The following PIK3CA variants were observed in gnomAD, a reference collection of about 807,000 sequenced individuals.
PIK3CA encodes phosphatidylinositol 4,5-bisphosphate 3-kinase catalytic subunit alpha isoform.
In PIK3CA, 27 loss-of-function variants were observed where a neutral mutation model predicts 138.2. That is an observed-to-expected ratio of 0.20 (90% CI 0.14 to 0.27). The LOEUF (loss-of-function observed/expected upper bound fraction) is 0.27, where lower values mean the gene tolerates loss of function less well. Ranked by LOEUF, PIK3CA falls within the 10% of genes least tolerant of loss-of-function variation. PIK3CA has a pLI of 1.00. For missense variants in PIK3CA, 544 were observed against 1,277.4 expected, an observed-to-expected ratio of 0.43 and a Z score of 8.75; for synonymous variants, 358 against 413.2, an observed-to-expected ratio of 0.87 and a Z score of 1.62.
In PIK3CA at chr3:179,219,316, A is replaced by G. The variant is rs201025829; in HGVS notation, c.1746+39A>G. The stretch of plus-strand genomic sequence containing the variant: ...TGAGATTACTAGATAACTGTTGTAC[A>G]AATTGGTATGTCACTTAAATTGTTT... On this transcript the variant is annotated intron_variant, in intron 11 of 20. Transcript: ENST00000263967. This position sits in a 1 kb window ranked among gnomAD's most constrained non-coding sequence, Gnocchi z 4.2. 1.7e-6 allele frequency: 2 copies of G among 1,171,816 alleles called. No individual in the cohort carries two copies. The highest frequency in any genetic ancestry group is 2.5e-5 in the South Asian group (2 of 80,292). The allele number at this position is 1,171,816 out of a possible 1,614,324, so 72.6% of individuals were successfully genotyped here. A position where few individuals can be genotyped will look rare whatever the true frequency, so the allele number is the denominator to read the frequency against.
At chr3:179,229,488 T>C in intron 18 of PIK3CA, 46 bp downstream of exon 18, 1 of 1,458,974 alleles carries the variant, frequency 6.9e-7, no homozygotes, top group Non-Finnish European at 9.4e-7. Context: ...AAGTTTTTGT[T>C]AGATGAGTCT....
At chr3:179,149,277 G>A (rs1034675336) in intron 1 of PIK3CA, among the ~76,000 whole-genome samples, 6 of 152,092 alleles carry the variant, frequency 3.9e-5, no homozygotes, top group African/African-American at 1.4e-4. Flanking sequence ...TCTTTACTAA[G>A]TGTATTATGT....
At chr3:179,149,427 G>T (rs1488884693) in intron 1 of PIK3CA, 1 of 152,130 alleles carries the variant, frequency 6.6e-6, no homozygotes, top group Admixed American at 6.5e-5. Context: ...AAGGAATAGT[G>T]ATGGTGGCCA....
intron 1 of PIK3CA, among the ~76,000 whole-genome samples, chr3:179,193,995 A>G (rs186998615): frequency 1.6e-3 from 241 of 152,052 alleles, no homozygotes; most frequent in Non-Finnish European, 1.9e-3. Flanking sequence ...TTGGTATTTA[A>G]TTTTTTCTGT....
chr3:179,227,745 GAA>G (rs1247444720), intron 17 of PIK3CA, among the ~76,000 whole-genome samples: 1 of 152,106 alleles, frequency 6.6e-6, no homozygotes, highest in African/African-American at 2.4e-5. Context: ...ACAGAGCAAG[GAA>G]AACCAAACTT....
chr3:179,153,034 A>G (rs1292262875), intron 1 of PIK3CA, among the ~76,000 whole-genome samples: 1 of 152,184 alleles, frequency 6.6e-6, no homozygotes, highest in African/African-American at 2.4e-5. Context: ...AGGATGATTT[A>G]TAAAAGAAAA....
At chr3:179,161,605 C>T (rs1034958094) in intron 1 of PIK3CA, among the ~76,000 whole-genome samples, 5 of 152,086 alleles carry the variant, frequency 3.3e-5, no homozygotes, top group Admixed American at 3.3e-4. Flanking sequence ...GCTTAGGCAG[C>T]AGAATCGCTT....
chr3:179,189,844 T>C (rs188714266), intron 1 of PIK3CA, among the ~76,000 whole-genome samples: 1 of 152,344 alleles, frequency 6.6e-6, no homozygotes, highest in African/African-American at 2.4e-5. Context: ...TCTCTAAAAG[T>C]GTGAGTTAAA....
chr3:179,224,062 A>G lies in PIK3CA; in HGVS notation c.2188-19A>G. ...ATTAAGTCAGTTTCTTACTGTGACT[A>G]TCCTTTTTTTTTAATCAGGTACAGA... On this transcript the variant is annotated intron_variant, in intron 14 of 20. Coordinates refer to ENST00000263967, the MANE Select transcript of PIK3CA (RefSeq NM_006218.4). 2 of 1,357,302 alleles carry G rather than the reference A, an allele frequency of 1.5e-6. No individual in the cohort carries two copies. The highest frequency in any genetic ancestry group is 1.0e-6 in the Non-Finnish European group (1 of 952,844). 84.1% of individuals were successfully genotyped at this position (1,357,302 alleles called of 1,614,324 possible).
intron 1 of PIK3CA, among the ~76,000 whole-genome samples, chr3:179,181,000 G>A (rs1173282354): frequency 1.3e-5 from 2 of 152,166 alleles, no homozygotes; most frequent in African/African-American, 2.4e-5. Flanking sequence ...GAGAAAGGTC[G>A]GAGAGAGTGT....
chr3:179,148,671 T>TC (rs1560118650), intron 1 of PIK3CA, 68 bp downstream of exon 1: 1 of 152,022 alleles, frequency 6.6e-6, no homozygotes, highest in African/African-American at 2.4e-5. Context: ...TGCCGGAGAC[T>TC]CCCGGGCGCG....
rs2108419363 is a variant in PIK3CA at position 179,225,966 on chromosome 3, A to G, written c.2421A>G (p.Leu807=). The G allele has an allele frequency of 1.3e-6, 2 of 1,549,136 alleles. No homozygotes were observed. The highest frequency in any genetic ancestry group is 1.8e-6 in the Non-Finnish European group (2 of 1,124,156). The change falls in exon 17 of 21, where the codon TTA becomes TTG. Residue 807 remains leucine (L), a synonymous_variant. Coordinates refer to ENST00000263967, the MANE Select transcript of PIK3CA (RefSeq NM_006218.4). ...TACATATTATTTGAATTTCAGATTTACGGCAAGATATGCTAACACTTCAAA... is the reference window on the plus strand; with the variant it reads ...TACATATTATTTGAATTTCAGATTTGCGGCAAGATATGCTAACACTTCAAA... ...NEIIFKNGDD[L]RQDMLTLQII...
chr3:179,224,555 G>C, intron 15 of PIK3CA, 145 bp from the exon 16 acceptor site: 2 of 494,948 alleles, frequency 4.0e-6, no homozygotes, highest in Non-Finnish European at 6.9e-6. Context: ...CTTTAGGAAT[G>C]GATTCCTAAA....
At chr3:179,163,358 C>A (rs530891094) in intron 1 of PIK3CA, among the ~76,000 whole-genome samples, 1 of 152,032 alleles carries the variant, frequency 6.6e-6, no homozygotes, top group African/African-American at 2.4e-5. Flanking sequence ...ATCATTCGTT[C>A]GACTCTCAAA....
chr3:179,186,757 A>G (rs1240011489), intron 1 of PIK3CA, among the ~76,000 whole-genome samples: 1 of 152,212 alleles, frequency 6.6e-6, no homozygotes, highest in Non-Finnish European at 1.5e-5. Context: ...AGGAGCTGAA[A>G]TGTTTGCTTA....
rs1060500029 is a variant in PIK3CA at position 179,221,047 on chromosome 3, C to T, written c.2077C>T (p.Arg693Cys). ...RFGLLLESYC[R>C]ACGMYLKHLN... is the part of the protein sequence containing the mutation. Reference sequence around the variant, plus strand: ...TGGCCTGCTTTTGGAGTCCTATTGTCGTGCATGTGGGATGTATTTGAAGCA... The same window carrying T: ...TGGCCTGCTTTTGGAGTCCTATTGTTGTGCATGTGGGATGTATTTGAAGCA... Residue 693 changes from arginine to cysteine, a missense_variant, in exon 14 of 21, where the codon CGT becomes TGT. This residue lies in a region of PIK3CA where 22 missense variants were observed against 107.9 expected (regional missense o/e 0.20). Coordinates refer to ENST00000263967, the MANE Select transcript of PIK3CA (RefSeq NM_006218.4). 3 of 1,612,480 alleles carry T rather than the reference C, an allele frequency of 1.9e-6. No homozygotes were observed. Among genetic ancestry groups the T allele is most frequent in the South Asian group, 1.1e-5 (1 of 91,036 alleles).
At chr3:179,158,826 C>G (rs1409114761) in intron 1 of PIK3CA, among the ~76,000 whole-genome samples, 1 of 152,056 alleles carries the variant, frequency 6.6e-6, no homozygotes, top group Non-Finnish European at 1.5e-5. Flanking sequence ...GCCACTGATA[C>G]GAGTTTCTGT....
At chr3:179,170,876 C>T (rs1193183818) in intron 1 of PIK3CA, among the ~76,000 whole-genome samples, 1 of 152,108 alleles carries the variant, frequency 6.6e-6, no homozygotes, top group East Asian at 1.9e-4. Context: ...ACTCTTCTCT[C>T]AACAGTTGAT....
rs369061940 is a variant in PIK3CA at position 179,164,879 on chromosome 3, A to G, written c.-77+16276A>G. 2.0e-5 allele frequency among the ~76,000 whole-genome samples: 3 copies of G among 152,052 alleles called. No individual in the cohort carries two copies. The East Asian group carries it at 5.8e-4, about 29-fold the overall frequency. Reference sequence around the variant, plus strand: ...AGTGAAACTCTGTCTTAAAAAAAAAAAGAAAAAGAAAAAAGAAATTTCTGC... The same window carrying G: ...AGTGAAACTCTGTCTTAAAAAAAAAGAGAAAAAGAAAAAAGAAATTTCTGC... On this transcript the variant is annotated intron_variant, in intron 1 of 20. Transcript: ENST00000263967.
Sources: allele counts gnomAD v4.1 joint callset (sites outside exome capture counted in the v4.1 genomes callset), GRCh38; gene constraint gnomAD v4.1.1; regional missense constraint gnomAD v4.1.1; non-coding constraint Gnocchi (gnomAD v3.1); transcripts MANE v1.5; gene names NCBI Gene and HGNC (gene_info 2026-07-23, HGNC 2026-07-21).